ASTN2: variants seen among roughly 807,000 people sequenced by gnomAD.
The protein encoded by ASTN2 is astrotactin 2.
Under a neutral mutation model 139.8 loss-of-function variants are expected in ASTN2, and 54 were observed. The ratio of observed to expected loss-of-function variants is 0.39; its 90% CI spans 0.31 to 0.48. ASTN2 has a LOEUF of 0.48. Among genes scored for constraint, ASTN2 ranks in the 20% least tolerant of loss-of-function variants. ASTN2 has a pLI of 0.95. For synonymous variants in ASTN2, 756 were observed against 719.5 expected (o/e 1.05, Z -0.81); for missense variants, 1,565 against 1,725.1 (o/e 0.91, Z 1.64).
At chr9:117,315,136 C>T (rs947400886) in intron 1 of ASTN2, among the ~76,000 whole-genome samples, 4 of 151,958 alleles carry the variant, frequency 2.6e-5, no homozygotes, top group Non-Finnish European at 4.4e-5. Context: ...TCTAGCCTTG[C>T]TAAAACTATA....
intron 10 of ASTN2, among the ~76,000 whole-genome samples, chr9:116,971,614 G>A (rs1836204294): frequency 6.6e-6 from 1 of 152,116 alleles, no homozygotes; most frequent in East Asian, 1.9e-4. Context: ...TGACAAAGTG[G>A]TTAATATGAA....
rs192634851 is a variant in ASTN2, at chr9:116,640,693, C to T, written c.3072+10835G>A. Among the ~76,000 whole-genome samples the T allele has an allele frequency of 1.1e-4, 17 of 152,294 alleles. No homozygotes were observed. The East Asian group carries it at 3.1e-3, about 28-fold the overall frequency. ...TTTCCGCCCAAGCAGCCCCTGAGCA[C>T]CATGGCAAGGACTTTGGTTTTTATC... is the stretch of plus-strand genomic sequence containing the variant. On this transcript the variant is annotated intron_variant, in intron 17 of 22. Transcript: ENST00000313400.
At chr9:116,530,552 C>T (rs1420571558) in intron 19 of ASTN2, among the ~76,000 whole-genome samples, 1 of 151,946 alleles carries the variant, frequency 6.6e-6, no homozygotes, top group African/African-American at 2.4e-5. Context: ...AGCCATTCTA[C>T]AATTTATACA....
chr9:116,901,245 C>T (rs10817957), intron 10 of ASTN2, among the ~76,000 whole-genome samples: 21,170 of 152,102 alleles, frequency 0.14, 2,185 homozygotes, highest in East Asian at 0.3. Flanking sequence ...TTTTGGAAGG[C>T]TGGGTGCAGT....
At chr9:116,686,867 C>T in intron 16 of ASTN2, 2 of 1,544,992 alleles carry the variant, frequency 1.3e-6, no homozygotes, top group Non-Finnish European at 1.7e-6. Flanking sequence ...CAAAGCACTG[C>T]CCTTCCTAGG....
At chr9:116,658,488 G>A (rs1858360591) in intron 16 of ASTN2, among the ~76,000 whole-genome samples, 1 of 152,136 alleles carries the variant, frequency 6.6e-6, no homozygotes, top group Admixed American at 6.5e-5. Context: ...CCCCCACAGT[G>A]AATCTCCATG....
intron 11 of ASTN2, among the ~76,000 whole-genome samples, chr9:116,848,524 A>C (rs747164540): frequency 6.6e-6 from 1 of 152,216 alleles, no homozygotes; most frequent in Non-Finnish European, 1.5e-5. Context: ...CGCAGCACGA[A>C]GAGGTGTATT....
intron 1 of ASTN2, among the ~76,000 whole-genome samples, chr9:117,355,411 C>T (rs927466672): frequency 6.6e-6 from 1 of 152,140 alleles, no homozygotes; most frequent in Non-Finnish European, 1.5e-5. Context: ...TGCCCTCCTA[C>T]CTTACTCTTT....
intron 20 of ASTN2, among the ~76,000 whole-genome samples, chr9:116,480,050 G>A (rs1488836401): frequency 6.6e-6 from 1 of 151,936 alleles, no homozygotes; most frequent in Non-Finnish European, 1.5e-5. Flanking sequence ...ATTAAATAAG[G>A]TTTATAAGAA....
In ASTN2 at chr9:116,733,308, T is replaced by G. The variant is rs1028011737; in HGVS notation, c.2521+91A>C. On this transcript the variant is annotated intron_variant, in intron 14 of 22. Coordinates refer to ENST00000313400, the MANE Select transcript of ASTN2 (RefSeq NM_001365068.1). ...GAAGGAGGAGGCTTGACAGAGCCCATCTTGGATCTGCTGAAGACTGATATG... is the reference window on the plus strand; with the variant it reads ...GAAGGAGGAGGCTTGACAGAGCCCAGCTTGGATCTGCTGAAGACTGATATG... 4.6e-6 allele frequency: 7 copies of G among 1,520,868 alleles called. No homozygotes were observed. The South Asian group carries it at 8.3e-5, about 18-fold the overall frequency. 94.2% of individuals were successfully genotyped at this position (1,520,868 alleles called of 1,614,324 possible).
intron 13 of ASTN2, among the ~76,000 whole-genome samples, chr9:116,741,571 G>T (rs1433723557): frequency 6.6e-6 from 1 of 152,170 alleles, no homozygotes; most frequent in Non-Finnish European, 1.5e-5. Context: ...ACAAGCAGTT[G>T]GGAGACCTGT....
At chr9:116,462,151 A>C (rs1342195024) in intron 20 of ASTN2, among the ~76,000 whole-genome samples, 1 of 152,168 alleles carries the variant, frequency 6.6e-6, no homozygotes, top group Non-Finnish European at 1.5e-5. Context: ...TTCTGCTACA[A>C]TTTGAGCCCC....
intron 4 of ASTN2, among the ~76,000 whole-genome samples, chr9:117,116,053 T>TATA (rs55920877): frequency 6.6e-6 from 1 of 150,448 alleles, no homozygotes; most frequent in Admixed American, 6.6e-5. Flanking sequence ...TATATATATA[T>TATA]TGCTCCCATC....
At chr9:116,451,945 C>G (rs1848189162) in intron 20 of ASTN2, among the ~76,000 whole-genome samples, 1 of 151,742 alleles carries the variant, frequency 6.6e-6, no homozygotes, top group African/African-American at 2.4e-5. Context: ...GTTTGCCTTT[C>G]TTTTCTTGGT....
At chr9:116,806,632 G>A (rs1831036995) in intron 12 of ASTN2, among the ~76,000 whole-genome samples, 1 of 152,084 alleles carries the variant, frequency 6.6e-6, no homozygotes, top group South Asian at 2.1e-4. Flanking sequence ...TGTGAGATTG[G>A]ACAGACCTGT....
chr9:116,531,094 C>T (rs1052860735), intron 19 of ASTN2, among the ~76,000 whole-genome samples: 26 of 152,032 alleles, frequency 1.7e-4, no homozygotes, highest in African/African-American at 6.3e-4. Flanking sequence ...CGTTCTTGGC[C>T]CCATCTCATC....
chr9:116,758,060 A>G lies in ASTN2; in HGVS notation c.2397-24537T>C, dbSNP rs1410360539. ...AGCCTGAGAGATCAAAATCTAGTCC[A>G]GTCCCTCCACTGTGCCTCAGTTTCC... is the stretch of plus-strand genomic sequence containing the variant. On this transcript the variant is annotated intron_variant, in intron 13 of 22. Coordinates refer to ENST00000313400, the MANE Select transcript of ASTN2 (RefSeq NM_001365068.1). Among the ~76,000 whole-genome samples the G allele has an allele frequency of 3.3e-5, 5 of 152,298 alleles. No individual in the cohort carries two copies. In the East Asian group the frequency reaches 7.7e-4, roughly 24 times the overall value.
At chr9:117,206,279 TAG>T (rs1300732494) in intron 3 of ASTN2, among the ~76,000 whole-genome samples, 8 of 152,100 alleles carry the variant, frequency 5.3e-5, no homozygotes, top group Non-Finnish European at 1.0e-4. Context: ...TAGATTTGCC[TAG>T]AGTCAGGAGA....
At chr9:116,676,578 T>G (rs1859515596) in intron 16 of ASTN2, among the ~76,000 whole-genome samples, 1 of 152,172 alleles carries the variant, frequency 6.6e-6, no homozygotes, top group Admixed American at 6.5e-5. Context: ...TTTCTTTTGG[T>G]TTGCACTATC....
Sources: allele counts gnomAD v4.1 joint callset (sites outside exome capture counted in the v4.1 genomes callset), GRCh38; gene constraint gnomAD v4.1.1; transcripts MANE v1.5; gene names NCBI Gene and HGNC (gene_info 2026-07-23, HGNC 2026-07-21).